ZKSCAN5: variants seen among roughly 807,000 people sequenced by gnomAD.
The protein encoded by ZKSCAN5 is zinc finger with KRAB and SCAN domains 5.
ZKSCAN5 carries 28 observed loss-of-function variants against 60.0 expected under a neutral mutation model. The ratio of observed to expected loss-of-function variants is 0.47; its 90% CI spans 0.35 to 0.64. The LOEUF is 0.64. ZKSCAN5 is among the 30% of genes least tolerant of loss of function. The pLI, the probability that ZKSCAN5 is intolerant of heterozygous loss-of-function variation, is 0.01. For synonymous variants in ZKSCAN5, 361 were observed against 371.2 expected (o/e 0.97, Z 0.31); for missense variants, 881 against 1,034.6 (o/e 0.85, Z 2.04).
Position 99,506,030 on chromosome 7 carries a change from TC to T in ZKSCAN5, c.-12del, listed in dbSNP as rs371706274. The T allele has an allele frequency of 3.5e-4, 556 of 1,606,414 alleles. 1 individual carries two copies. In the African/African-American group the frequency reaches 6.5e-3, roughly 19 times the overall value. On this transcript the variant is annotated 5_prime_UTR_variant, in exon 2 of 7. Transcript: ENST00000326775. ...TGTAACACAGCCAGCCTCGAAGACT[TC>T]CCTCTGAGTTGGAATGATAATGACC... is the stretch of plus-strand genomic sequence containing the variant.
intron 3 of ZKSCAN5, among the ~76,000 whole-genome samples, 155 bp from the exon 4 acceptor site, chr7:99,519,672 G>A (rs1801431072): frequency 6.6e-6 from 1 of 152,172 alleles, no homozygotes; most frequent in African/African-American, 2.4e-5. Flanking sequence ...GAGTGTGAGA[G>A]GATCCAGAAA....
rs766183259 is a variant in ZKSCAN5, at chr7:99,519,851, C to G, written c.578C>G (p.Ser193Cys). 6.2e-7 allele frequency: 1 copy of G among 1,614,116 alleles called. No homozygotes were observed. The change falls in exon 4 of 7, where the codon TCC (serine) becomes TGC (cysteine). Residue 193 changes from serine to cysteine, a missense_variant. Physicochemically the swap from Ser to Cys is moderately radical, Grantham distance 112. This residue lies in a region of ZKSCAN5 where 490 missense variants were observed against 554.5 expected (regional missense o/e 0.88). Transcript: ENST00000326775. Reference sequence around the variant, plus strand: ...GCCCTTCCTGTTCTCCAAGTTCCTTCCCTTCCCCTGAAGGACAGCCAGGAG... The same window carrying G: ...GCCCTTCCTGTTCTCCAAGTTCCTTGCCTTCCCCTGAAGGACAGCCAGGAG... ...ENALPVLQVP[S>C]LPLKDSQELT... is the part of the protein sequence containing the mutation.
In ZKSCAN5 at chr7:99,512,621, A is replaced by G. The variant is rs1191385621; in HGVS notation, c.553+30A>G. The G allele has an allele frequency of 5.6e-6, 9 of 1,607,594 alleles. No homozygotes were observed. The East Asian group carries it at 1.6e-4, about 28-fold the overall frequency. On this transcript the variant is annotated intron_variant, in intron 3 of 6. Coordinates refer to ENST00000326775, the MANE Select transcript of ZKSCAN5 (RefSeq NM_145102.4). ...GGCTCAGTGATTCAGTGGAACTGAT[A>G]TAGCTCAAGAGTGGGTGCCTTGGCC...
chr7:99,512,679 C>G, intron 3 of ZKSCAN5, 88 bp downstream of exon 3: 2 of 1,487,056 alleles, frequency 1.3e-6, no homozygotes, highest in South Asian at 2.6e-5. Flanking sequence ...GAGAGAGACT[C>G]TAGGCTGAGC....
chr7:99,520,056 C>G, intron 4 of ZKSCAN5, 113 bp from the exon 5 acceptor site: 1 of 1,512,390 alleles, frequency 6.6e-7, no homozygotes, highest in Non-Finnish European at 9.0e-7. Flanking sequence ...CTTCCCCATC[C>G]TCTTTGAGGC....
chr7:99,511,309 G>C (rs1190977687), intron 2 of ZKSCAN5, among the ~76,000 whole-genome samples: 3 of 152,166 alleles, frequency 2.0e-5, no homozygotes, highest in African/African-American at 7.2e-5. Flanking sequence ...GGTCTGTCCA[G>C]TGTGACTTAC....
chr7:99,524,326 G>A (rs1384664705), intron 5 of ZKSCAN5, among the ~76,000 whole-genome samples: 4 of 151,928 alleles, frequency 2.6e-5, no homozygotes, highest in South Asian at 2.1e-4. Context: ...CGCCTACCTC[G>A]ACCTCCCACA....
At position 99,526,378 on chromosome 7, in the gene ZKSCAN5, C is replaced by G. The variant is rs148650223; in HGVS notation, c.1338C>G (p.Ile446Met). 2 of 1,602,426 alleles carry G rather than the reference C, an allele frequency of 1.2e-6. No homozygotes were observed. Among genetic ancestry groups the G allele is most frequent in the Non-Finnish European group, 1.7e-6 (2 of 1,179,914 alleles). The part of the protein sequence containing the change: ...GKNFGRHSHL[I>M]EHLKRHFREK... ...ACTTCGGTCGCCATTCGCATCTGAT[C>G]GAACACCTAAAACGCCACTTCAGGG... is the stretch of plus-strand genomic sequence containing the variant. The change falls in exon 6 of 7, where the codon ATC becomes ATG. Residue 446 changes from isoleucine to methionine, a missense_variant. Around this residue, in one of 5 missense-constraint regions of ZKSCAN5, gnomAD observed 490 missense variants for 554.5 expected, o/e 0.88. Coordinates refer to ENST00000326775, the MANE Select transcript of ZKSCAN5 (RefSeq NM_145102.4).
At chr7:99,521,398 A>G (rs1314440115) in intron 5 of ZKSCAN5, among the ~76,000 whole-genome samples, 1 of 152,072 alleles carries the variant, frequency 6.6e-6, no homozygotes, top group Non-Finnish European at 1.5e-5. Flanking sequence ...GGGTTTCACC[A>G]TATTGGCCAG....
At chr7:99,518,757 C>A (rs1801384265) in intron 3 of ZKSCAN5, among the ~76,000 whole-genome samples, 1 of 140,232 alleles carries the variant, frequency 7.1e-6, no homozygotes, top group Admixed American at 7.5e-5. Flanking sequence ...CTCATTGCAA[C>A]CTCCGCCTCC....
Position 99,533,322 on chromosome 7 carries a change from A to G in ZKSCAN5, c.*1073A>G, listed in dbSNP as rs1802136911. The G allele has an allele frequency of 1.5e-6, 1 of 651,400 alleles. No homozygotes were observed. The highest frequency in any genetic ancestry group is 2.1e-5 in the Admixed American group (1 of 47,646). 40.4% of individuals were successfully genotyped at this position (651,400 alleles called of 1,614,324 possible). A position where few individuals can be genotyped will look rare whatever the true frequency, so the allele number is the denominator to read the frequency against. On this transcript the variant is annotated 3_prime_UTR_variant, in exon 7 of 7. Coordinates refer to ENST00000326775, the MANE Select transcript of ZKSCAN5 (RefSeq NM_145102.4). ...GGTTGGGGTGGGAGTTTTGAGTGGG[A>G]AAGAGGATGACATGTGTGAGAGAGT...
At chr7:99,509,872 T>A (rs1800938860) in intron 2 of ZKSCAN5, among the ~76,000 whole-genome samples, 1 of 152,212 alleles carries the variant, frequency 6.6e-6, no homozygotes, top group African/African-American at 2.4e-5. Flanking sequence ...ATAAGCATTG[T>A]GTCTGTCATA....
At chr7:99,515,975 T>C (rs1372329649) in intron 3 of ZKSCAN5, among the ~76,000 whole-genome samples, 2 of 151,910 alleles carry the variant, frequency 1.3e-5, no homozygotes, top group African/African-American at 4.8e-5. Flanking sequence ...TCCCCTCTTC[T>C]GAGCCATCTC....
rs754977407 is a variant in ZKSCAN5, at chr7:99,531,866, C to A, written c.2137C>A (p.Gln713Lys). 10 of 1,614,066 alleles carry A rather than the reference C, an allele frequency of 6.2e-6. No individual in the cohort carries two copies. The highest frequency in any genetic ancestry group is 3.3e-5 in the Admixed American group (2 of 60,004). The change falls in exon 7 of 7, where the codon CAA becomes AAA. Residue 713 changes from glutamine to lysine, a missense_variant. Gln to Lys is a moderately conservative substitution (Grantham distance 53). Coordinates refer to ENST00000326775, the MANE Select transcript of ZKSCAN5 (RefSeq NM_145102.4). ...GATTGAAGACAAGAAGATTGAGTTA[C>A]AAGAGCAGCCTTATCAGTGTGATAT... ...TVIEDKKIEL[Q>K]EQPYQCDICG...
intron 2 of ZKSCAN5, among the ~76,000 whole-genome samples, chr7:99,511,708 G>A (rs371691624): frequency 1.8e-5 from 1 of 56,536 alleles, no homozygotes; most frequent in Non-Finnish European, 3.8e-5. Context: ...CTCCGAAAGT[G>A]TTGAGATTAT....
chr7:99,515,708 G>A (rs990157415), intron 3 of ZKSCAN5, among the ~76,000 whole-genome samples: 3 of 151,776 alleles, frequency 2.0e-5, no homozygotes, highest in Admixed American at 6.6e-5. Flanking sequence ...GGTGGCAGGC[G>A]CCTGTAGTAC....
intron 5 of ZKSCAN5, among the ~76,000 whole-genome samples, chr7:99,521,071 C>T (rs560098881): frequency 3.9e-5 from 6 of 152,168 alleles, no homozygotes; most frequent in Non-Finnish European, 7.3e-5. Context: ...AATCTCAGCA[C>T]TCCTGCAAAC....
chr7:99,514,139 T>C (rs887973886), intron 3 of ZKSCAN5, among the ~76,000 whole-genome samples: 2 of 152,216 alleles, frequency 1.3e-5, no homozygotes, highest in Non-Finnish European at 2.9e-5. Context: ...ATCTTATTAT[T>C]ACAAAATACT....
intron 5 of ZKSCAN5, among the ~76,000 whole-genome samples, chr7:99,523,335 C>G (rs187134772): frequency 1.4e-4 from 21 of 151,414 alleles, no homozygotes; most frequent in African/African-American, 5.1e-4. Flanking sequence ...AGTGAGTAGG[C>G]TGCCTGCTGA....
Sources: gnomAD v4.1 joint callset for allele counts (sites outside exome capture counted in the v4.1 genomes callset) on GRCh38, gnomAD v4.1.1 for gene constraint, gnomAD v4.1.1 regional missense constraint, MANE v1.5 for transcripts, NCBI Gene and HGNC (gene_info 2026-07-23, HGNC 2026-07-21) for gene names.